CERS1: variants seen among roughly 807,000 people sequenced by gnomAD.
The protein encoded by CERS1 is Embryonic growth/differentiation factor 1.
In CERS1, 16 loss-of-function variants were observed where a neutral mutation model predicts 35.7. The ratio of observed to expected loss-of-function variants is 0.45; its 90% CI spans 0.30 to 0.68. The LOEUF is 0.68. Ranked by LOEUF, CERS1 falls within the 30% of genes least tolerant of loss-of-function variation. The probability of loss-of-function intolerance (pLI) is 0.08; values close to 1 mark genes in which losing one functional copy is unlikely to be tolerated. For missense variants in CERS1, 454 were observed against 453.9 expected (o/e 1.00, Z 0.00); for synonymous variants, 243 against 201.6 (o/e 1.21, Z -1.74).
Position 18,893,623 on chromosome 19 carries a change from G to A in CERS1, c.250-48C>T, listed in dbSNP as rs543923315. 1.4e-4 allele frequency: 213 copies of A among 1,561,286 alleles called. 1 individual carries two copies. In the East Asian group the frequency reaches 5.0e-3, roughly 36 times the overall value. ...GCAGCCATTGGTGCTGGGGGCCAGA[G>A]ACTGCTCCTTTGGGGTGGGGAAACT... On this transcript the variant is annotated intron_variant, in intron 1 of 7. Coordinates refer to ENST00000623882, the MANE Select transcript of CERS1 (RefSeq NM_021267.5).
chr19:18,879,056 G>A lies in CERS1; in HGVS notation c.901-17C>T. 1.9e-6 allele frequency: 3 copies of A among 1,612,030 alleles called. No homozygotes were observed. The highest frequency in any genetic ancestry group is 1.1e-5 in the South Asian group (1 of 90,950). ...CACGATGTACTGCGAGAGGGGAGGG[G>A]AGGTGCCAGTGAGAAGAAAGCCCCC... is the stretch of plus-strand genomic sequence containing the variant. On this transcript the variant is annotated splice_polypyrimidine_tract_variant and intron_variant, in intron 5 of 7. Transcript: ENST00000623882.
intron 3 of CERS1, chr19:18,881,618 CGTGGGGAA>C (rs1209161268): frequency 6.6e-6 from 1 of 152,194 alleles, no homozygotes; most frequent in Non-Finnish European, 1.5e-5. Context: ...TCACCCTGGA[CGTGGGGAA>C]GTGTCTCTCA....
intron 2 of CERS1, among the ~76,000 whole-genome samples, chr19:18,885,516 T>TTG (rs796442439): frequency 0.14 from 3,825 of 27,582 alleles, 136 homozygotes; most frequent in East Asian, 0.23. Context: ...TTCTCGTTTT[T>TTG]TTTTTTTTTT....
At position 18,895,310 on chromosome 19, in the gene CERS1, C is replaced by T. The variant is rs898626892; in HGVS notation, c.249+514G>A. Among the ~76,000 whole-genome samples the T allele has an allele frequency of 3.3e-5, 5 of 152,230 alleles. No homozygotes were observed. The highest frequency in any genetic ancestry group is 7.3e-5 in the Non-Finnish European group (5 of 68,034). On this transcript the variant is annotated intron_variant, in intron 1 of 7. Coordinates refer to ENST00000623882, the MANE Select transcript of CERS1 (RefSeq NM_021267.5). The surrounding 1 kb of genome is among the most constrained non-coding windows in gnomAD (Gnocchi z 6.4). Reference sequence around the variant, plus strand: ...ACCCAGCAGAAAACGGGCAGCGGACCTCGCTCCGGGCCGGGGCGCAGCCCG... The same window carrying T: ...ACCCAGCAGAAAACGGGCAGCGGACTTCGCTCCGGGCCGGGGCGCAGCCCG...
In CERS1 at chr19:18,880,444, G is replaced by A. The variant is rs757138223; in HGVS notation, c.591-9C>T. 15 of 1,575,280 alleles carry A rather than the reference G, an allele frequency of 9.5e-6. No homozygotes were observed. The highest frequency in any genetic ancestry group is 2.6e-6 in the Non-Finnish European group (3 of 1,157,636). The stretch of plus-strand genomic sequence containing the variant: ...TGCCCACATTGTGGTACCTGGGGGA[G>A]CAGCAGGCAGAGAGGAGAGGGCAGC... On this transcript the variant is annotated splice_polypyrimidine_tract_variant and intron_variant, in intron 3 of 7. Coordinates refer to ENST00000623882, the MANE Select transcript of CERS1 (RefSeq NM_021267.5).
rs773625132 is a variant in CERS1, at chr19:18,879,059, G to T, written c.901-20C>A. 1 of 1,611,378 alleles carries T rather than the reference G, an allele frequency of 6.2e-7. No individual in the cohort carries two copies. Among genetic ancestry groups the T allele is most frequent in the African/African-American group, 1.3e-5 (1 of 74,862 alleles). Reference sequence around the variant, plus strand: ...GATGTACTGCGAGAGGGGAGGGGAGGTGCCAGTGAGAAGAAAGCCCCCACG... The same window carrying T: ...GATGTACTGCGAGAGGGGAGGGGAGTTGCCAGTGAGAAGAAAGCCCCCACG... On this transcript the variant is annotated intron_variant, in intron 5 of 7. Transcript: ENST00000623882.
intron 2 of CERS1, 121 bp downstream of exon 2, chr19:18,893,295 G>T: frequency 9.0e-7 from 1 of 1,113,512 alleles, no homozygotes; most frequent in Non-Finnish European, 1.3e-6. Context: ...GCTCCCCTTG[G>T]CCTCCAACTC....
At chr19:18,876,903 T>C (rs1166839015) in intron 6 of CERS1, among the ~76,000 whole-genome samples, 1 of 152,176 alleles carries the variant, frequency 6.6e-6, no homozygotes, top group Non-Finnish European at 1.5e-5. Flanking sequence ...CCTTTCCTGG[T>C]CCAGGAGCCC....
chr19:18,879,894 T>C (rs1366645499), intron 4 of CERS1, among the ~76,000 whole-genome samples: 1 of 145,522 alleles, frequency 6.9e-6, no homozygotes, highest in African/African-American at 2.6e-5. Context: ...GCCCTACCTC[T>C]TTCTCTGCCT....
intron 2 of CERS1, among the ~76,000 whole-genome samples, chr19:18,884,709 C>CTGTT (rs2056307900): frequency 1.4e-5 from 1 of 69,134 alleles, no homozygotes; most frequent in Non-Finnish European, 2.5e-5. Context: ...GCCCAGCCGT[C>CTGTT]TTTTTTTTTT....
intron 5 of CERS1, 71 bp from the exon 6 acceptor site, chr19:18,879,110 C>A (rs534280834): frequency 1.3e-6 from 2 of 1,588,572 alleles, no homozygotes; most frequent in Non-Finnish European, 8.6e-7. Flanking sequence ...CAGCCATGTG[C>A]TCCTGTCCCG....
intron 6 of CERS1, among the ~76,000 whole-genome samples, chr19:18,876,268 G>A (rs976412608): frequency 1.3e-5 from 2 of 152,178 alleles, no homozygotes; most frequent in Admixed American, 6.6e-5. Flanking sequence ...TTACAGGCGT[G>A]AGCCACCGCG....
rs1368363383 is a variant in CERS1, at chr19:18,868,795, C to T, written c.*1190G>A. The T allele has an allele frequency of 1.4e-6, 2 of 1,457,732 alleles. No homozygotes were observed. The highest frequency in any genetic ancestry group is 2.2e-5 in the Admixed American group (1 of 45,564). 90.3% of individuals were successfully genotyped at this position (1,457,732 alleles called of 1,614,324 possible). On this transcript the variant is annotated 3_prime_UTR_variant, in exon 8 of 8. Coordinates refer to ENST00000623882, the MANE Select transcript of CERS1 (RefSeq NM_021267.5). ...TGAGCGCCGGCGGCCCCCCGGACCC[C>T]GACAGCGCGACGGGCAGCGCGCACT...
chr19:18,868,774 C>T lies in CERS1; in HGVS notation c.*1211G>A. The T allele has an allele frequency of 1.4e-6, 2 of 1,470,384 alleles. No individual in the cohort carries two copies. Among genetic ancestry groups the T allele is most frequent in the Admixed American group, 2.2e-5 (1 of 45,354 alleles). The allele number at this position is 1,470,384 out of a possible 1,614,324, so 91.1% of individuals were successfully genotyped here. A position where few individuals can be genotyped will look rare whatever the true frequency, so the allele number is the denominator to read the frequency against. ...GCGCGCGCAGCACAGCGTGGTTGAG[C>T]GCCGGCGGCCCCCCGGACCCCGACA... On this transcript the variant is annotated 3_prime_UTR_variant, in exon 8 of 8. Coordinates refer to ENST00000623882, the MANE Select transcript of CERS1 (RefSeq NM_021267.5).
Position 18,868,924 on chromosome 19 carries a change from C to G in CERS1, c.*1061G>C. ...ACAGCCGCCGCGCGCGACAAGCGCC[C>G]CCGGGGCCGCCGCCCAACACGGGTT... On this transcript the variant is annotated 3_prime_UTR_variant, in exon 8 of 8. Transcript: ENST00000623882. 7.5e-7 allele frequency: 1 copy of G among 1,334,162 alleles called. No individual in the cohort carries two copies. The highest frequency in any genetic ancestry group is 9.7e-7 in the Non-Finnish European group (1 of 1,033,290). 82.6% of individuals were successfully genotyped at this position (1,334,162 alleles called of 1,614,324 possible). A position where few individuals can be genotyped will look rare whatever the true frequency, so the allele number is the denominator to read the frequency against.
Position 18,895,928 on chromosome 19 carries a change from G to C in CERS1, c.145C>G (p.Leu49Val). 1.7e-6 allele frequency: 2 copies of C among 1,211,040 alleles called. No homozygotes were observed. Among genetic ancestry groups the C allele is most frequent in the Non-Finnish European group, 1.0e-6 (1 of 972,192 alleles). The allele number at this position is 1,211,040 out of a possible 1,614,324, so 75.0% of individuals were successfully genotyped here. A position where few individuals can be genotyped will look rare whatever the true frequency, so the allele number is the denominator to read the frequency against. ...GGCGCCAGGTGCGCGTGCTCAGCCA[G>C]GCCGCGACGCGCCAGCCCCCAGCCG... ...DCGWGLARRG[L>V]AEHAHLAPPE... Residue 49 changes from leucine (L) to valine (V), a missense_variant, in exon 1 of 8, where the codon CTG becomes GTG. Physicochemically the swap from Leu to Val is conservative, Grantham distance 32 (BLOSUM62 1). Transcript: ENST00000623882. This position sits in a 1 kb window ranked among gnomAD's most constrained non-coding sequence, Gnocchi z 6.4.
chr19:18,883,797 T>G (rs890999935), intron 3 of CERS1, among the ~76,000 whole-genome samples: 1 of 152,108 alleles, frequency 6.6e-6, no homozygotes, highest in Non-Finnish European at 1.5e-5. Flanking sequence ...GGGCAGCGTC[T>G]GAAGAGCTGG....
Position 18,870,591 on chromosome 19 carries a change from C to T in CERS1, c.1039G>A (p.Asp347Asn), listed in dbSNP as rs1475858002. Reference sequence around the variant, plus strand: ...GGCCGAGGGGTTCAGAAGCGCTTGTCCTTCACCAGGCCGTTCCTCAGTGGC... The same window carrying T: ...GGCCGAGGGGTTCAGAAGCGCTTGTTCTTCACCAGGCCGTTCCTCAGTGGC... The part of the protein sequence containing the change: ...EKPLRNGLVK[D>N]KRF Residue 347 changes from aspartate (D) to asparagine (N), a missense_variant, in exon 7 of 8, where the codon GAC (aspartate) becomes AAC (asparagine). Asp to Asn is a conservative substitution (Grantham distance 23). Coordinates refer to ENST00000623882, the MANE Select transcript of CERS1 (RefSeq NM_021267.5). This position sits in a 1 kb window ranked among gnomAD's most constrained non-coding sequence, Gnocchi z 5.1. The T allele has an allele frequency of 6.8e-6, 4 of 591,840 alleles. No homozygotes were observed. Among genetic ancestry groups the T allele is most frequent in the Admixed American group, 3.0e-5 (1 of 33,408 alleles). 36.7% of individuals were successfully genotyped at this position (591,840 alleles called of 1,614,324 possible).
At position 18,871,206 on chromosome 19, in the gene CERS1, C is replaced by T. The variant is rs574177238; in HGVS notation, c.1011-587G>A. On this transcript the variant is annotated intron_variant, in intron 6 of 7. Coordinates refer to ENST00000623882, the MANE Select transcript of CERS1 (RefSeq NM_021267.5). ...CAGAGTAGCTGGGATTACAGGGGCACGCCACCACTCCCAGCAATTTTTTTT... is the reference window on the plus strand; with the variant it reads ...CAGAGTAGCTGGGATTACAGGGGCATGCCACCACTCCCAGCAATTTTTTTT... Among the ~76,000 whole-genome samples the T allele has an allele frequency of 1.4e-3, 216 of 150,584 alleles. 1 individual carries two copies. The highest frequency in any genetic ancestry group is 4.9e-3 in the African/African-American group (201 of 40,898).
Sources: gnomAD v4.1 joint callset for allele counts (sites outside exome capture counted in the v4.1 genomes callset) on GRCh38, gnomAD v4.1.1 for gene constraint, Gnocchi (gnomAD v3.1) non-coding constraint, MANE v1.5 for transcripts, NCBI Gene and HGNC (gene_info 2026-07-23, HGNC 2026-07-21) for gene names.